The following PCDHGB2 variants were observed in gnomAD, a reference collection of about 807,000 sequenced individuals.
The protein encoded by PCDHGB2 is protocadherin gamma-B2.
PCDHGB2 carries 55 observed loss-of-function variants against 59.3 expected under a neutral mutation model. That is an observed-to-expected ratio of 0.93 (90% confidence interval 0.75 to 1.16). The LOEUF is 1.16. PCDHGB2 is among the 50% of genes most tolerant of loss of function. The pLI is 0.00. For synonymous variants in PCDHGB2, 516 were observed against 512.0 expected, an observed-to-expected ratio of 1.01 and a Z score of -0.11; for missense variants, 1,228 against 1,198.5, an observed-to-expected ratio of 1.02 and a Z score of -0.36.
chr5:141,382,186 T>G (rs896758285), intron 1 of PCDHGB2, among the ~76,000 whole-genome samples: 14 of 152,310 alleles, frequency 9.2e-5, no homozygotes, highest in Admixed American at 5.9e-4. Context: ...TAAGGTTCTA[T>G]ACAATCAAAA....
intron 1 of PCDHGB2, chr5:141,415,772 T>TA (rs763083459): frequency 1.1e-5 from 15 of 1,332,970 alleles, no homozygotes; most frequent in Non-Finnish European, 1.3e-5. Flanking sequence ...TTTTTTTTTT[T>TA]ACTTTCTGGT....
At chr5:141,437,040 C>G (rs188070264) in intron 1 of PCDHGB2, among the ~76,000 whole-genome samples, 1 of 152,266 alleles carries the variant, frequency 6.6e-6, no homozygotes, top group African/African-American at 2.4e-5. Flanking sequence ...ATCACCGAAA[C>G]CAGAAGGCTG....
chr5:141,454,128 C>T (rs988254902), intron 1 of PCDHGB2, among the ~76,000 whole-genome samples: 4 of 152,122 alleles, frequency 2.6e-5, no homozygotes, highest in African/African-American at 7.2e-5. Flanking sequence ...AATAGCTGAC[C>T]ATGGGAATGT....
chr5:141,476,619 CTT>C lies in PCDHGB2; in HGVS notation c.2422-18186_2422-18185del. Reference sequence around the variant, plus strand: ...CACGATCCCGATGTGGGAAGCAACTCTTTACAAACCTATGAGCTGAGCCGAAA... The same window carrying C: ...CACGATCCCGATGTGGGAAGCAACTCTACAAACCTATGAGCTGAGCCGAAA... On this transcript the variant is annotated intron_variant, in intron 1 of 3. Transcript: ENST00000522605. This position sits in a 1 kb window ranked among gnomAD's most constrained non-coding sequence, Gnocchi z 7.6. The C allele has an allele frequency of 1.2e-6, 2 of 1,614,258 alleles. No homozygotes were observed. The highest frequency in any genetic ancestry group is 1.7e-6 in the Non-Finnish European group (2 of 1,180,052).
intron 1 of PCDHGB2, among the ~76,000 whole-genome samples, chr5:141,454,268 G>A (rs2098785692): frequency 6.6e-6 from 1 of 152,126 alleles, no homozygotes; most frequent in African/African-American, 2.4e-5. Context: ...AGTAATGCCA[G>A]CAAAAACTTC....
chr5:141,364,890 A>G (rs765566914), intron 1 of PCDHGB2: 2 of 1,613,858 alleles, frequency 1.2e-6, no homozygotes, highest in African/African-American at 2.7e-5. Flanking sequence ...AGCGGAACTG[A>G]TGGACAAAAG....
chr5:141,389,899 A>G (rs1328617262), intron 1 of PCDHGB2: 1 of 1,614,032 alleles, frequency 6.2e-7, no homozygotes, highest in South Asian at 1.1e-5. Flanking sequence ...GTGCTGCCGG[A>G]TATCACTGAC....
chr5:141,408,869 AG>A, intron 1 of PCDHGB2: 1 of 1,613,690 alleles, frequency 6.2e-7, no homozygotes, highest in Non-Finnish European at 8.5e-7. Context: ...CCCACCAAGA[AG>A]TGCCACCGCT....
At chr5:141,455,920 C>T (rs941360102) in intron 1 of PCDHGB2, among the ~76,000 whole-genome samples, 1 of 147,944 alleles carries the variant, frequency 6.8e-6, no homozygotes, top group Non-Finnish European at 1.5e-5. Context: ...TATTTTGAGA[C>T]GGAGTCTCGC....
At chr5:141,375,214 C>T (rs750367246) in intron 1 of PCDHGB2, 2 of 1,613,928 alleles carry the variant, frequency 1.2e-6, no homozygotes, top group Non-Finnish European at 1.7e-6. Context: ...GAGACTCTGG[C>T]CTGAATGGCC....
In PCDHGB2 at chr5:141,476,776, G is replaced by A. The variant is rs764674164; in HGVS notation, c.2422-18031G>A. 9.3e-6 allele frequency: 15 copies of A among 1,612,744 alleles called. No homozygotes were observed. The highest frequency in any genetic ancestry group is 1.3e-5 in the Non-Finnish European group (15 of 1,179,218). On this transcript the variant is annotated intron_variant, in intron 1 of 3. Coordinates refer to ENST00000522605, the MANE Select transcript of PCDHGB2 (RefSeq NM_018923.3). This position sits in a 1 kb window ranked among gnomAD's most constrained non-coding sequence, Gnocchi z 7.6. ...TAGTGCTGACGGCGTTGGACGGAGG[G>A]ACCCCAGCTCTCTCCGCCAGCCTGC...
chr5:141,465,858 C>T (rs2099110865), intron 1 of PCDHGB2, among the ~76,000 whole-genome samples: 1 of 152,034 alleles, frequency 6.6e-6, no homozygotes, highest in African/African-American at 2.4e-5. Context: ...CCCAGTGGCT[C>T]ATGCCTGTAA....
chr5:141,462,462 T>G (rs570804965), intron 1 of PCDHGB2, among the ~76,000 whole-genome samples: 1 of 152,346 alleles, frequency 6.6e-6, no homozygotes, highest in Middle Eastern at 3.4e-3. Flanking sequence ...CTGAAAACTG[T>G]GTATTCTGCT....
chr5:141,474,417 C>A (rs1321402346), intron 1 of PCDHGB2, among the ~76,000 whole-genome samples: 1 of 152,222 alleles, frequency 6.6e-6, no homozygotes, highest in African/African-American at 2.4e-5. Context: ...GATGCCTAGA[C>A]CATTGGTCCT....
At chr5:141,376,643 A>G (rs1465583488) in intron 1 of PCDHGB2, 17 of 1,013,920 alleles carry the variant, frequency 1.7e-5, no homozygotes, top group Non-Finnish European at 2.4e-5. Context: ...GATTTTGTAA[A>G]GTGGAAGACT....
chr5:141,389,524 G>A, intron 1 of PCDHGB2: 5 of 1,613,146 alleles, frequency 3.1e-6, no homozygotes, highest in South Asian at 1.1e-5. Context: ...GTGAGCCTGC[G>A]CGTGTTAGTG....
intron 1 of PCDHGB2, chr5:141,404,795 G>A (rs769293241): frequency 5.0e-6 from 8 of 1,613,924 alleles, no homozygotes; most frequent in Admixed American, 1.7e-5. Flanking sequence ...CAGTGAGCCA[G>A]GGCTCTTCTC....
chr5:141,467,287 A>C (rs2099140956), intron 1 of PCDHGB2, among the ~76,000 whole-genome samples: 1 of 152,082 alleles, frequency 6.6e-6, no homozygotes, highest in Admixed American at 6.6e-5. Flanking sequence ...TCTTGACCTC[A>C]AGTGATCCAC....
At chr5:141,508,879 G>A (rs2547559) in intron 3 of PCDHGB2, among the ~76,000 whole-genome samples, 2 of 152,070 alleles carry the variant, frequency 1.3e-5, no homozygotes, top group East Asian at 3.9e-4. Context: ...AGAGGCTGAC[G>A]GCTGGAGGGG....
Sources: allele counts gnomAD v4.1 joint callset (sites outside exome capture counted in the v4.1 genomes callset), GRCh38; gene constraint gnomAD v4.1.1; non-coding constraint Gnocchi (gnomAD v3.1); transcripts MANE v1.5; gene names NCBI Gene and HGNC (gene_info 2026-07-23, HGNC 2026-07-21).